ABLIM3: variants seen among roughly 807,000 people sequenced by gnomAD.
ABLIM3 encodes the protein actin binding LIM protein family member 3.
ABLIM3 carries 61 observed loss-of-function variants against 109.5 expected under a neutral mutation model. The ratio of observed to expected loss-of-function variants is 0.56; its 90% CI spans 0.45 to 0.69. The LOEUF is 0.69. ABLIM3 is among the 30% of genes least tolerant of loss of function. The pLI, the probability that ABLIM3 is intolerant of heterozygous loss-of-function variation, is 0.00. For synonymous variants in ABLIM3, 300 were observed against 324.8 expected (o/e 0.92, Z 0.82); for missense variants, 796 against 889.5 (o/e 0.89, Z 1.34).
At chr5:149,242,444 T>G (rs375570447) in intron 14 of ABLIM3, 47 bp from the exon 15 acceptor site, 43 of 1,526,412 alleles carry the variant, frequency 2.8e-5, no homozygotes, top group Admixed American at 1.0e-4. Flanking sequence ...TTTTCTCCTG[T>G]CTCTCTCTCT....
chr5:149,242,811 TA>T (rs774882557), intron 15 of ABLIM3, among the ~76,000 whole-genome samples: 4 of 152,230 alleles, frequency 2.6e-5, no homozygotes, highest in Admixed American at 6.5e-5. Flanking sequence ...CCATAATTGG[TA>T]AAACCTTTGT....
chr5:149,231,125 T>C (rs542805179), intron 9 of ABLIM3, among the ~76,000 whole-genome samples: 1 of 152,338 alleles, frequency 6.6e-6, no homozygotes, highest in East Asian at 1.9e-4. Context: ...TTTTACTCCT[T>C]TAACCCTGTG....
chr5:149,200,171 T>C (rs1380452426), intron 4 of ABLIM3, 145 bp from the exon 5 acceptor site: 1 of 688,960 alleles, frequency 1.5e-6, no homozygotes, highest in East Asian at 2.7e-5. Context: ...TTAGTTGGCC[T>C]GTCACTGTGA....
chr5:149,167,387 C>G (rs1163612763), intron 2 of ABLIM3, among the ~76,000 whole-genome samples: 1 of 152,118 alleles, frequency 6.6e-6, no homozygotes, highest in Non-Finnish European at 1.5e-5. Flanking sequence ...TAAACAGAAG[C>G]TCTTTAGAGT....
rs138436801 is a variant in ABLIM3, at chr5:149,251,368, G to C, written c.1798G>C (p.Ala600Pro). 5 of 1,614,024 alleles carry C rather than the reference G, an allele frequency of 3.1e-6. No homozygotes were observed. The Admixed American group carries it at 8.3e-5, about 27-fold the overall frequency. The stretch of plus-strand genomic sequence containing the variant: ...TCTGTCTCTTCTGCAGACACCCAGC[G>C]CAGACCTCTTCCACTACGACAGCAT... The part of the protein sequence containing the change: ...RRNGLHRTPS[A>P]DLFHYDSMNA... The change falls in exon 21 of 24, where the codon GCA becomes CCA. Residue 600 changes from alanine (A) to proline (P), a missense_variant. Transcript: ENST00000309868.
At chr5:149,159,943 C>T (rs942039404) in intron 2 of ABLIM3, among the ~76,000 whole-genome samples, 8 of 152,152 alleles carry the variant, frequency 5.3e-5, no homozygotes, top group Non-Finnish European at 1.2e-4. Flanking sequence ...ACAAACAGCC[C>T]TCTCCCATCC....
At chr5:149,178,832 A>G (rs1186568884) in intron 2 of ABLIM3, among the ~76,000 whole-genome samples, 3 of 152,214 alleles carry the variant, frequency 2.0e-5, no homozygotes, top group Non-Finnish European at 4.4e-5. Flanking sequence ...ACAAGGCAGA[A>G]TCATGTAACA....
chr5:149,252,261 A>G (rs1220396361), intron 22 of ABLIM3, 53 bp downstream of exon 22: 3 of 1,597,760 alleles, frequency 1.9e-6, no homozygotes, highest in Admixed American at 3.4e-5. Flanking sequence ...GAGCCGCTAC[A>G]CTGGGGATCA....
chr5:149,199,067 C>T (rs1479474261), intron 4 of ABLIM3: 1 of 456,674 alleles, frequency 2.2e-6, no homozygotes, highest in Non-Finnish European at 4.4e-6. Flanking sequence ...ATGGAGAGCT[C>T]ATCCCTGCCT....
intron 2 of ABLIM3, among the ~76,000 whole-genome samples, chr5:149,170,370 G>C (rs1755295458): frequency 6.6e-6 from 1 of 151,954 alleles, no homozygotes; most frequent in Non-Finnish European, 1.5e-5. Flanking sequence ...TTAGCAACCA[G>C]GTGGCTTTTC....
rs149319255 is a variant in ABLIM3 at position 149,149,321 on chromosome 5, A to T, written c.13+7213A>T. Among the ~76,000 whole-genome samples the T allele has an allele frequency of 4.8e-4, 73 of 152,374 alleles. 1 individual carries two copies. Among genetic ancestry groups the T allele is most frequent in the African/African-American group, 1.7e-3 (72 of 41,592 alleles). On this transcript the variant is annotated intron_variant, in intron 2 of 23. Transcript: ENST00000309868. ...TAAGGATTCAGCGAAATAACATTAG[A>T]AACTCACAGGCATTGGGTCTCAGTG... is the stretch of plus-strand genomic sequence containing the variant.
At chr5:149,204,399 G>A (rs1264619221) in intron 5 of ABLIM3, among the ~76,000 whole-genome samples, 1 of 152,144 alleles carries the variant, frequency 6.6e-6, no homozygotes, top group Non-Finnish European at 1.5e-5. Context: ...AGGCTCCACT[G>A]GTGGTCAAGA....
At chr5:149,249,977 A>G (rs2127571519) in intron 19 of ABLIM3, 133 bp downstream of exon 19, 1 of 1,118,066 alleles carries the variant, frequency 8.9e-7, no homozygotes, top group South Asian at 1.3e-5. Flanking sequence ...CAAATAGTCT[A>G]CTCCATTGTA....
intron 22 of ABLIM3, 104 bp downstream of exon 22, chr5:149,252,312 T>C: frequency 3.7e-6 from 5 of 1,346,958 alleles, no homozygotes; most frequent in Non-Finnish European, 5.1e-6. Context: ...GAAGGGAACA[T>C]AGATAAATAA....
At chr5:149,215,793 C>T (rs913810829) in intron 7 of ABLIM3, among the ~76,000 whole-genome samples, 2 of 152,128 alleles carry the variant, frequency 1.3e-5, no homozygotes, top group African/African-American at 2.4e-5. Flanking sequence ...ATGCTGGAGC[C>T]GCCGCTGAAG....
chr5:149,190,364 T>C (rs1757367967), intron 3 of ABLIM3, among the ~76,000 whole-genome samples: 1 of 152,218 alleles, frequency 6.6e-6, no homozygotes, highest in Non-Finnish European at 1.5e-5. Flanking sequence ...GTTATATGAC[T>C]TGTGAATTGT....
intron 15 of ABLIM3, chr5:149,243,685 C>A (rs567001553): frequency 6.6e-6 from 1 of 152,210 alleles, no homozygotes; most frequent in African/African-American, 2.4e-5. Context: ...GCCATGTCCC[C>A]TGAGTACTCA....
At chr5:149,250,092 G>A (rs981885722) in intron 19 of ABLIM3, among the ~76,000 whole-genome samples, 7 of 152,184 alleles carry the variant, frequency 4.6e-5, no homozygotes, top group African/African-American at 1.7e-4. Flanking sequence ...CCACCACCTG[G>A]GAGCCTTCCT....
At chr5:149,174,401 A>C (rs1016655900) in intron 2 of ABLIM3, 1 of 152,188 alleles carries the variant, frequency 6.6e-6, no homozygotes, top group African/African-American at 2.4e-5. Flanking sequence ...CCCGCAATAC[A>C]TCAGTGCATG....
Sources: gnomAD v4.1 joint callset for allele counts (sites outside exome capture counted in the v4.1 genomes callset) on GRCh38, gnomAD v4.1.1 for gene constraint, MANE v1.5 for transcripts, NCBI Gene and HGNC (gene_info 2026-07-23, HGNC 2026-07-21) for gene names.